Variants in CORIN observed in about 807,000 individuals in gnomAD.
The protein encoded by CORIN is corin, serine peptidase.
CORIN carries 117 observed loss-of-function variants against 125.3 expected under a neutral mutation model. The ratio of observed to expected loss-of-function variants is 0.93; its 90% confidence interval spans 0.80 to 1.09. The LOEUF (loss-of-function observed/expected upper bound fraction) is 1.09. CORIN is among the 50% of genes least tolerant of loss of function. The pLI is 0.00. For synonymous variants in CORIN, 450 were observed against 466.4 expected (o/e 0.96, Z 0.45); for missense variants, 1,253 against 1,306.7 (o/e 0.96, Z 0.63).
chr4:47,626,290 C>G, intron 17 of CORIN, 115 bp downstream of exon 17: 1 of 700,344 alleles, frequency 1.4e-6, no homozygotes. Flanking sequence ...TATGGAAACT[C>G]TTTACTGATA....
At chr4:47,720,885 C>T (rs1727312432) in intron 5 of CORIN, among the ~76,000 whole-genome samples, 1 of 152,182 alleles carries the variant, frequency 6.6e-6, no homozygotes, top group African/African-American at 2.4e-5. Flanking sequence ...GGCCCAGATT[C>T]AAAGGGGTTC....
At chr4:47,694,394 TAA>T (rs1178911569) in intron 5 of CORIN, among the ~76,000 whole-genome samples, 1 of 151,980 alleles carries the variant, frequency 6.6e-6, no homozygotes, top group Non-Finnish European at 1.5e-5. Context: ...TAGTTTCAGA[TAA>T]AAAAAAGTTA....
chr4:47,616,160 G>A lies in CORIN; in HGVS notation c.2540+7411C>T, dbSNP rs576422838. Among the ~76,000 whole-genome samples the A allele has an allele frequency of 3.9e-4, 60 of 152,194 alleles. No homozygotes were observed. In the South Asian group the frequency reaches 0.012, roughly 31 times the overall value. ...CAGTTAAATGTATTCATGTGAAGTT[G>A]GTGGGTGGTGGTGATTGGGTGGAAA... On this transcript the variant is annotated intron_variant, in intron 19 of 21. Coordinates refer to ENST00000273857, the MANE Select transcript of CORIN (RefSeq NM_006587.4).
At chr4:47,828,403 T>G (rs923754199) in intron 1 of CORIN, among the ~76,000 whole-genome samples, 4 of 152,174 alleles carry the variant, frequency 2.6e-5, no homozygotes, top group African/African-American at 9.7e-5. Context: ...GGGCTAGACA[T>G]TGAATTAATA....
intron 10 of CORIN, among the ~76,000 whole-genome samples, chr4:47,673,184 AAATAAAT>A (rs1724846014): frequency 7.9e-5 from 1 of 12,728 alleles, no homozygotes; most frequent in African/African-American, 7.8e-4. Flanking sequence ...ACCAAAAAAT[AAATAAAT>A]AAATAAATAA....
At chr4:47,831,330 A>G (rs1189270388) in intron 1 of CORIN, 1 of 152,374 alleles carries the variant, frequency 6.6e-6, no homozygotes, top group Non-Finnish European at 1.5e-5. Context: ...GGCACCCTTC[A>G]GCAGAGCTCA....
chr4:47,831,087 A>G (rs1484353920), intron 1 of CORIN, among the ~76,000 whole-genome samples: 1 of 152,222 alleles, frequency 6.6e-6, no homozygotes, highest in African/African-American at 2.4e-5. Context: ...CACAGATGTC[A>G]TCTTGAGCCT....
intron 12 of CORIN, among the ~76,000 whole-genome samples, chr4:47,656,633 C>T (rs1236551916): frequency 6.6e-6 from 1 of 152,086 alleles, no homozygotes; most frequent in Non-Finnish European, 1.5e-5. Flanking sequence ...GAACATAGCT[C>T]AGCAAAATAA....
chr4:47,714,869 G>A (rs1420131471), intron 5 of CORIN, among the ~76,000 whole-genome samples: 1 of 152,186 alleles, frequency 6.6e-6, no homozygotes, highest in African/African-American at 2.4e-5. Flanking sequence ...TCTATCGCCA[G>A]TGCACTAGAA....
chr4:47,680,098 G>T, intron 8 of CORIN, 43 bp downstream of exon 8: 1 of 1,326,284 alleles, frequency 7.5e-7, no homozygotes, highest in South Asian at 1.2e-5. Flanking sequence ...TAAAGAACCA[G>T]AAATGGAAAA....
intron 1 of CORIN, among the ~76,000 whole-genome samples, chr4:47,821,736 A>C (rs897181389): frequency 6.6e-6 from 1 of 152,188 alleles, no homozygotes; most frequent in Non-Finnish European, 1.5e-5. Context: ...AGTTATCTGT[A>C]CTTTGAGACA....
chr4:47,674,355 C>A, intron 10 of CORIN, 38 bp downstream of exon 10: 1 of 1,372,166 alleles, frequency 7.3e-7, no homozygotes, highest in Non-Finnish European at 1.0e-6. Context: ...AATGCATGCC[C>A]TGACATGGCT....
chr4:47,767,411 G>T (rs1180619303), intron 3 of CORIN, among the ~76,000 whole-genome samples: 4 of 151,928 alleles, frequency 2.6e-5, no homozygotes, highest in African/African-American at 9.7e-5. Flanking sequence ...TTACACAATG[G>T]TCTGAAAACT....
At chr4:47,772,116 G>GATAC (rs1560542012) in intron 3 of CORIN, among the ~76,000 whole-genome samples, 1 of 150,158 alleles carries the variant, frequency 6.7e-6, no homozygotes, top group Admixed American at 6.6e-5. Flanking sequence ...TAGATAGATA[G>GATAC]GTAGATAGAT....
chr4:47,721,064 C>G (rs909639407), intron 5 of CORIN, among the ~76,000 whole-genome samples: 2 of 152,104 alleles, frequency 1.3e-5, no homozygotes, highest in South Asian at 4.1e-4. Context: ...TTTCATAGTT[C>G]TGGAAGGTGG....
rs1054372418 is a variant in CORIN at position 47,661,861 on chromosome 4, A to G, written c.1590-5T>C. 6.3e-7 allele frequency: 1 copy of G among 1,584,870 alleles called. No individual in the cohort carries two copies. The highest frequency in any genetic ancestry group is 8.6e-7 in the Non-Finnish European group (1 of 1,163,638). The stretch of plus-strand genomic sequence containing the variant: ...TTAGAGTGTTCACACAATGCCCTAG[A>G]TGAACAAGAAAGACAAAACATTAGA... On this transcript the variant is annotated splice_polypyrimidine_tract_variant and splice_region_variant and intron_variant, in intron 11 of 21. Coordinates refer to ENST00000273857, the MANE Select transcript of CORIN (RefSeq NM_006587.4).
intron 17 of CORIN, among the ~76,000 whole-genome samples, chr4:47,624,549 G>T (rs1419578447): frequency 6.6e-6 from 1 of 152,098 alleles, no homozygotes; most frequent in African/African-American, 2.4e-5. Context: ...GTTGACAAGA[G>T]GAAAAGTAGC....
At chr4:47,823,024 A>C (rs1046217903) in intron 1 of CORIN, among the ~76,000 whole-genome samples, 8 of 152,262 alleles carry the variant, frequency 5.3e-5, no homozygotes, top group Admixed American at 1.3e-4. Flanking sequence ...CATATTGGCC[A>C]GGATGGTCTC....
At chr4:47,818,218 C>T (rs549955065) in intron 1 of CORIN, among the ~76,000 whole-genome samples, 1 of 152,240 alleles carries the variant, frequency 6.6e-6, no homozygotes, top group African/African-American at 2.4e-5. Flanking sequence ...TAGAGGAAGA[C>T]ATAAGTTTCC....
Sources: gnomAD v4.1 joint callset for allele counts (sites outside exome capture counted in the v4.1 genomes callset) on GRCh38, gnomAD v4.1.1 for gene constraint, MANE v1.5 for transcripts, NCBI Gene and HGNC (gene_info 2026-07-23, HGNC 2026-07-21) for gene names.